Variants in DIP2C observed in about 807,000 individuals in gnomAD.
The protein encoded by DIP2C is DIP2 acetate--CoA ligase C (putative), also known as disco-interacting protein 2 homolog C.
In DIP2C, 33 loss-of-function variants were observed where a neutral mutation model predicts 192.4. The observed-to-expected ratio is 0.17, with a 90% CI of 0.13 to 0.23. DIP2C has a LOEUF of 0.23. Among genes scored for constraint, DIP2C ranks in the 10% least tolerant of loss-of-function variants. The pLI is 1.00. For synonymous variants in DIP2C, 979 were observed against 864.1 expected, an observed-to-expected ratio of 1.13 and a Z score of -2.33; for missense variants, 1,537 against 2,110.1, an observed-to-expected ratio of 0.73 and a Z score of 5.32.
chr10:458,027 A>G (rs941232714), intron 3 of DIP2C, among the ~76,000 whole-genome samples: 2 of 152,164 alleles, frequency 1.3e-5, no homozygotes, highest in Admixed American at 6.5e-5. Context: ...CACCCGCCCG[A>G]AAGTGCAGTG....
chr10:476,963 G>A (rs1039276051), intron 2 of DIP2C, among the ~76,000 whole-genome samples: 5 of 151,368 alleles, frequency 3.3e-5, no homozygotes, highest in African/African-American at 4.9e-5. Flanking sequence ...GGATGGGCTC[G>A]GGAAATAATT....
At chr10:476,175 A>G (rs1273223183) in intron 2 of DIP2C, among the ~76,000 whole-genome samples, 1 of 152,080 alleles carries the variant, frequency 6.6e-6, no homozygotes, top group Non-Finnish European at 1.5e-5. Flanking sequence ...TCACACACTC[A>G]AGAGTCTGGA....
chr10:360,009 TG>T (rs1016899465), intron 22 of DIP2C, among the ~76,000 whole-genome samples: 25 of 152,296 alleles, frequency 1.6e-4, no homozygotes, highest in African/African-American at 5.3e-4. Context: ...CTGGCCTAAA[TG>T]GGTTCCAAGG....
At chr10:433,612 C>T (rs980295050) in intron 4 of DIP2C, among the ~76,000 whole-genome samples, 8 of 152,144 alleles carry the variant, frequency 5.3e-5, no homozygotes, top group South Asian at 4.1e-4. Context: ...ATCTGGGAGG[C>T]GGAGGTTGCA....
chr10:301,833 G>T (rs1461208224), intron 32 of DIP2C, among the ~76,000 whole-genome samples: 1 of 152,226 alleles, frequency 6.6e-6, no homozygotes, highest in African/African-American at 2.4e-5. Flanking sequence ...GGAGGCAAGA[G>T]AAGTGGGAGC....
chr10:405,968 GA>G (rs917795341), intron 9 of DIP2C, among the ~76,000 whole-genome samples: 13 of 152,106 alleles, frequency 8.5e-5, no homozygotes, highest in Admixed American at 6.6e-4. Flanking sequence ...AAAAATTTTA[GA>G]AAAGTAGCGC....
At chr10:611,153 G>GT (rs1853074003) in intron 1 of DIP2C, among the ~76,000 whole-genome samples, 1 of 152,116 alleles carries the variant, frequency 6.6e-6, no homozygotes, top group African/African-American at 2.4e-5. Flanking sequence ...TCTCATGATA[G>GT]TTCTCATGAG....
chr10:646,155 G>C (rs912070187), intron 1 of DIP2C, among the ~76,000 whole-genome samples: 1 of 152,186 alleles, frequency 6.6e-6, no homozygotes, highest in Non-Finnish European at 1.5e-5. Flanking sequence ...CATGCTCGAG[G>C]CCTCCACTCT....
chr10:433,653 C>A (rs1322830485), intron 4 of DIP2C, among the ~76,000 whole-genome samples: 2 of 152,098 alleles, frequency 1.3e-5, no homozygotes, highest in Non-Finnish European at 2.9e-5. Context: ...TGCACTCCAG[C>A]CTGGGCCAAG....
In DIP2C at chr10:615,629, G is replaced by A. The variant is rs61495648; in HGVS notation, c.85+73865C>T. Among the ~76,000 whole-genome samples, 125 of 151,422 alleles carry A rather than the reference G, an allele frequency of 8.3e-4. 5 individuals are homozygous for A. The East Asian group carries it at 0.02, about 24-fold the overall frequency. ...TAGGTTCATATACACACACACACCC[G>A]CCCCACACACACACACAGGGTTTGC... On this transcript the variant is annotated intron_variant, in intron 1 of 36. Coordinates refer to ENST00000280886, the MANE Select transcript of DIP2C (RefSeq NM_014974.3).
At chr10:397,333 C>T (rs926619186) in intron 10 of DIP2C, among the ~76,000 whole-genome samples, 3 of 152,114 alleles carry the variant, frequency 2.0e-5, no homozygotes, top group Non-Finnish European at 2.9e-5. Context: ...AGTTCGAGAC[C>T]AGCCTGGCCA....
intron 32 of DIP2C, among the ~76,000 whole-genome samples, chr10:295,174 G>GAGC (rs1955688866): frequency 6.6e-6 from 1 of 152,196 alleles, no homozygotes; most frequent in Admixed American, 6.5e-5. Flanking sequence ...TCCACAGGCA[G>GAGC]AGCAGCAGCA....
intron 1 of DIP2C, among the ~76,000 whole-genome samples, chr10:587,408 C>A (rs1024648235): frequency 6.6e-6 from 1 of 152,226 alleles, no homozygotes; most frequent in Admixed American, 6.5e-5. Context: ...AGCGTCAGCA[C>A]ACGGATTGCT....
chr10:663,189 G>A (rs1856870454), intron 1 of DIP2C: 1 of 383,092 alleles, frequency 2.6e-6, no homozygotes, highest in Admixed American at 4.4e-5. Context: ...ATAAACTGTG[G>A]AAAACTGGGA....
At chr10:579,840 A>G (rs1255325462) in intron 1 of DIP2C, among the ~76,000 whole-genome samples, 5 of 152,096 alleles carry the variant, frequency 3.3e-5, no homozygotes, top group Admixed American at 2.0e-4. Flanking sequence ...GCATGTACAC[A>G]CATCTGTACA....
intron 3 of DIP2C, among the ~76,000 whole-genome samples, chr10:452,298 T>G (rs1968914986): frequency 6.6e-6 from 1 of 152,172 alleles, no homozygotes; most frequent in Non-Finnish European, 1.5e-5. Flanking sequence ...GGAACAATGT[T>G]AAGGCAAATA....
chr10:454,079 C>T (rs1019290172), intron 3 of DIP2C, among the ~76,000 whole-genome samples: 1 of 152,194 alleles, frequency 6.6e-6, no homozygotes, highest in African/African-American at 2.4e-5. Context: ...AGCTGAGAGG[C>T]AATAAATTGA....
intron 1 of DIP2C, among the ~76,000 whole-genome samples, chr10:619,545 T>TCCCTCCCACCCACCCACCCACCCA (rs1554757207): frequency 1.9e-4 from 3 of 15,810 alleles, no homozygotes; most frequent in African/African-American, 7.1e-4. Context: ...CCGCCCGCCC[T>TCCCTCCCACCCACCCACCCACCCA]CCCACCCAGC....
chr10:514,718 C>T (rs1377156537), intron 1 of DIP2C, among the ~76,000 whole-genome samples: 2 of 152,144 alleles, frequency 1.3e-5, no homozygotes, highest in East Asian at 3.9e-4. Flanking sequence ...TCTGCACGTC[C>T]CTGCTCCCTG....
Sources: gnomAD v4.1 joint callset for allele counts (sites outside exome capture counted in the v4.1 genomes callset) on GRCh38, gnomAD v4.1.1 for gene constraint, MANE v1.5 for transcripts, NCBI Gene and HGNC (gene_info 2026-07-23, HGNC 2026-07-21) for gene names.